SLC25A31: variants seen among roughly 807,000 people sequenced by gnomAD.
SLC25A31 encodes the protein ADP/ATP translocase 4.
In SLC25A31, 40 loss-of-function variants were observed where a neutral mutation model predicts 36.2. The ratio of observed to expected loss-of-function variants is 1.10; its 90% CI spans 0.86 to 1.44. The LOEUF (loss-of-function observed/expected upper bound fraction) is 1.44. Among genes scored for constraint, SLC25A31 ranks in the 40% most tolerant of loss-of-function variants. SLC25A31 has a pLI of 0.00. For synonymous variants in SLC25A31, 143 were observed against 149.7 expected (o/e 0.96, Z 0.32); for missense variants, 350 against 397.1 (o/e 0.88, Z 1.01).
intron 2 of SLC25A31, among the ~76,000 whole-genome samples, chr4:127,762,604 A>C (rs1221872479): frequency 6.6e-6 from 1 of 152,160 alleles, no homozygotes; most frequent in East Asian, 1.9e-4. Context: ...TGTTAAGGAA[A>C]AATAATGCTG....
intron 1 of SLC25A31, among the ~76,000 whole-genome samples, chr4:127,733,736 GT>G (rs1250093872): frequency 1.3e-5 from 2 of 152,024 alleles, no homozygotes; most frequent in Non-Finnish European, 2.9e-5. Context: ...CCTGAAGATT[GT>G]TTTTATGTTT....
rs1053065914 is a variant in SLC25A31, at chr4:127,730,412, C to T, written c.-134C>T. 3.1e-5 allele frequency: 30 copies of T among 978,538 alleles called. No homozygotes were observed. Among genetic ancestry groups the T allele is most frequent in the Middle Eastern group, 2.5e-4 (1 of 4,048 alleles). The allele number at this position is 978,538 out of a possible 1,614,324, so 60.6% of individuals were successfully genotyped here. A position where few individuals can be genotyped will look rare whatever the true frequency, so the allele number is the denominator to read the frequency against. On this transcript the variant is annotated 5_prime_UTR_variant, in exon 1 of 6. Transcript: ENST00000281154. Reference sequence around the variant, plus strand: ...CCGCACGCGCCTCGCCGGCGCGCGGCTCTCTCAGCGTCCCAAGAGCCACTT... The same window carrying T: ...CCGCACGCGCCTCGCCGGCGCGCGGTTCTCTCAGCGTCCCAAGAGCCACTT...
At chr4:127,770,692 T>A (rs1408279459) in intron 5 of SLC25A31, among the ~76,000 whole-genome samples, 1 of 151,896 alleles carries the variant, frequency 6.6e-6, no homozygotes, top group Non-Finnish European at 1.5e-5. Flanking sequence ...GTCTGCAACC[T>A]AATCTCACAA....
Position 127,730,664 on chromosome 4 carries a change from C to T in SLC25A31, c.119C>T (p.Pro40Leu), listed in dbSNP as rs1484113263. Residue 40 changes from proline (P) to leucine (L), a missense_variant, in exon 1 of 6, where the codon CCC (proline) becomes CTC (leucine). Transcript: ENST00000281154. ...AAAVSKTAVA[P>L]IERVKLLLQV... ...GCTGTGTCCAAGACAGCGGTGGCGCCCATCGAGCGGGTGAAGCTGCTGCTG... is the reference window on the plus strand; with the variant it reads ...GCTGTGTCCAAGACAGCGGTGGCGCTCATCGAGCGGGTGAAGCTGCTGCTG... 1 of 1,613,800 alleles carries T rather than the reference C, an allele frequency of 6.2e-7. No individual in the cohort carries two copies. The highest frequency in any genetic ancestry group is 8.5e-7 in the Non-Finnish European group (1 of 1,179,960).
At position 127,759,891 on chromosome 4, in the gene SLC25A31, AG is replaced by A. The variant is rs528897347; in HGVS notation, c.361-4351del. On this transcript the variant is annotated intron_variant, in intron 2 of 5. Transcript: ENST00000281154. Reference sequence around the variant, plus strand: ...CAACTTTGGATTTTAAGGTAGAAAAAGCCAATCTCAAAGGTTATATGCTTTC... The same window carrying A: ...CAACTTTGGATTTTAAGGTAGAAAAACCAATCTCAAAGGTTATATGCTTTC... 2.6e-5 allele frequency among the ~76,000 whole-genome samples: 4 copies of A among 152,348 alleles called. No individual in the cohort carries two copies. In the East Asian group the frequency reaches 5.8e-4, roughly 22 times the overall value.
intron 2 of SLC25A31, among the ~76,000 whole-genome samples, chr4:127,761,506 C>T (rs1393539424): frequency 1.3e-5 from 2 of 152,192 alleles, no homozygotes; most frequent in Non-Finnish European, 2.9e-5. Context: ...ACTATACTCT[C>T]ATCTTTCTCT....
chr4:127,733,865 T>C (rs1169548130), intron 1 of SLC25A31, among the ~76,000 whole-genome samples: 5 of 152,222 alleles, frequency 3.3e-5, no homozygotes, highest in Non-Finnish European at 7.4e-5. Flanking sequence ...TTATCTCTAC[T>C]TTCTTTCCAT....
chr4:127,761,921 A>G (rs1361490798), intron 2 of SLC25A31, among the ~76,000 whole-genome samples: 2 of 152,292 alleles, frequency 1.3e-5, no homozygotes, highest in East Asian at 1.9e-4. Flanking sequence ...CCAATCATCT[A>G]CTACACTGTG....
At chr4:127,753,673 A>G (rs1298160290) in intron 2 of SLC25A31, among the ~76,000 whole-genome samples, 1 of 152,178 alleles carries the variant, frequency 6.6e-6, no homozygotes, top group Non-Finnish European at 1.5e-5. Flanking sequence ...GAGTAAGGAA[A>G]TTAAGTCCAT....
intron 1 of SLC25A31, among the ~76,000 whole-genome samples, chr4:127,737,437 A>T (rs976574667): frequency 2.0e-5 from 3 of 152,234 alleles, no homozygotes; most frequent in Admixed American, 2.0e-4. Context: ...AAACCTCTTT[A>T]GTCATAAATC....
chr4:127,740,766 G>T (rs1323299963), intron 1 of SLC25A31, among the ~76,000 whole-genome samples: 1 of 152,194 alleles, frequency 6.6e-6, no homozygotes, highest in African/African-American at 2.4e-5. Flanking sequence ...GACTCAGGCT[G>T]CCAATGCAGG....
chr4:127,744,897 A>T, intron 2 of SLC25A31, 98 bp downstream of exon 2: 1 of 953,726 alleles, frequency 1.0e-6, no homozygotes, highest in Non-Finnish European at 1.4e-6. Flanking sequence ...CTATCTCTAA[A>T]ATTTTCTTTA....
intron 2 of SLC25A31, among the ~76,000 whole-genome samples, chr4:127,752,640 A>G (rs940415041): frequency 6.6e-6 from 1 of 152,218 alleles, no homozygotes; most frequent in African/African-American, 2.4e-5. Context: ...CATCATACAA[A>G]ATAGACTTTA....
intron 2 of SLC25A31, among the ~76,000 whole-genome samples, chr4:127,746,736 G>A (rs1271075542): frequency 1.3e-5 from 2 of 152,150 alleles, no homozygotes; most frequent in African/African-American, 2.4e-5. Flanking sequence ...TGTTTACTCT[G>A]TTGATAGTTT....
chr4:127,768,308 G>A (rs1732283744), intron 4 of SLC25A31, among the ~76,000 whole-genome samples: 2 of 151,926 alleles, frequency 1.3e-5, no homozygotes, highest in Admixed American at 6.6e-5. Flanking sequence ...AAAAAGTTAT[G>A]TGTGTACTCT....
At chr4:127,766,165 T>TTTTCTG (rs1732239053) in intron 3 of SLC25A31, among the ~76,000 whole-genome samples, 1 of 151,064 alleles carries the variant, frequency 6.6e-6, no homozygotes, top group South Asian at 2.1e-4. Context: ...TTTTTTTTTG[T>TTTTCTG]TTTTTGTTTT....
chr4:127,746,690 A>G (rs1731830928), intron 2 of SLC25A31, among the ~76,000 whole-genome samples: 1 of 151,652 alleles, frequency 6.6e-6, no homozygotes, highest in Admixed American at 6.6e-5. Flanking sequence ...CACCTTTGTC[A>G]CTTTGCAAAT....
intron 2 of SLC25A31, among the ~76,000 whole-genome samples, chr4:127,750,735 A>G (rs1731914972): frequency 6.6e-6 from 1 of 152,012 alleles, no homozygotes; most frequent in South Asian, 2.1e-4. Flanking sequence ...TGATAACCAT[A>G]AAGTTAAAAA....
chr4:127,731,372 T>TA lies in SLC25A31; in HGVS notation c.232+607dup, dbSNP rs778940072. On this transcript the variant is annotated intron_variant, in intron 1 of 5. Coordinates refer to ENST00000281154, the MANE Select transcript of SLC25A31 (RefSeq NM_031291.4). ...TTCTGCCCAAAATTCAAGGGGGCCC[T>TA]AAAAAAAAAAAACCCAACCCTCAGT... Among the ~76,000 whole-genome samples, 1,260 of 141,014 alleles carry TA rather than the reference T, an allele frequency of 8.9e-3. 10 individuals are homozygous for TA. Among genetic ancestry groups the TA allele is most frequent in the African/African-American group, 0.015 (583 of 38,592 alleles). 92.5% of individuals were successfully genotyped at this position (141,014 alleles called of 152,430 possible).
Sources: allele counts gnomAD v4.1 joint callset (sites outside exome capture counted in the v4.1 genomes callset), GRCh38; gene constraint gnomAD v4.1.1; transcripts MANE v1.5; gene names NCBI Gene and HGNC (gene_info 2026-07-23, HGNC 2026-07-21).